The following SMAD4 variants were observed in gnomAD, a reference collection of about 807,000 sequenced individuals.
SMAD4 encodes SMAD family member 4.
A neutral mutation model predicts 63.2 loss-of-function variants in SMAD4; 7 were observed. The observed-to-expected ratio is 0.11, with a 90% CI of 0.06 to 0.21. The LOEUF (loss-of-function observed/expected upper bound fraction) is 0.21, where lower values mean the gene tolerates loss of function less well. Among genes scored for constraint, SMAD4 ranks in the 10% least tolerant of loss-of-function variants. The probability of loss-of-function intolerance (pLI) is 1.00; values close to 1 mark genes in which losing one functional copy is unlikely to be tolerated. For synonymous variants in SMAD4, 215 were observed against 235.4 expected (o/e 0.91, Z 0.79); for missense variants, 312 against 693.8 (o/e 0.45, Z 6.18).
In SMAD4 at chr18:51,058,229, G is replaced by A. The variant is rs2144427660; in HGVS notation, c.772G>A (p.Ala258Thr). 2 of 1,614,198 alleles carry A rather than the reference G, an allele frequency of 1.2e-6. No individual in the cohort carries two copies. Among genetic ancestry groups the A allele is most frequent in the South Asian group, 1.1e-5 (1 of 91,078 alleles). ...GCAGAATGGATTTACTGGTCAGCCA[G>A]CTACTTACCATCATAGTATGTACAT... ...QQQNGFTGQPATYHHNSTTTW... is the reference protein window; with the variant it reads ...QQQNGFTGQPTTYHHNSTTTW... The change falls in exon 6 of 12, where the codon GCT becomes ACT. Residue 258 changes from alanine (A) to threonine (T), a missense_variant. Physicochemically the swap from Ala to Thr is moderately conservative, Grantham distance 58 (BLOSUM62 0). Transcript: ENST00000342988.
At chr18:51,062,657 C>A (rs1910044144) in intron 8 of SMAD4, among the ~76,000 whole-genome samples, 1 of 151,692 alleles carries the variant, frequency 6.6e-6, no homozygotes, top group Non-Finnish European at 1.5e-5. Flanking sequence ...CGCCACCATG[C>A]CTGGCTAATT....
At chr18:51,061,673 TTTCA>T (rs1241653176) in intron 8 of SMAD4, among the ~76,000 whole-genome samples, 1 of 152,228 alleles carries the variant, frequency 6.6e-6, no homozygotes, top group Admixed American at 6.5e-5. Flanking sequence ...ACCAATCTTG[TTTCA>T]TTCATACTCA....
chr18:51,040,618 C>G (rs1401748800), intron 1 of SMAD4, among the ~76,000 whole-genome samples: 1 of 152,146 alleles, frequency 6.6e-6, no homozygotes, highest in Non-Finnish European at 1.5e-5. Flanking sequence ...ACATGAGAAC[C>G]TCTCTCTGGC....
chr18:51,073,388 T>TACACAC (rs201632233), intron 10 of SMAD4, among the ~76,000 whole-genome samples: 45 of 64,144 alleles, frequency 7.0e-4, no homozygotes, highest in African/African-American at 2.4e-3. Context: ...TATATATATA[T>TACACAC]ACACACACAC....
intron 4 of SMAD4, 72 bp from the exon 5 acceptor site, chr18:51,054,709 T>A: frequency 1.0e-6 from 1 of 1,002,438 alleles, no homozygotes; most frequent in East Asian, 2.6e-5. Flanking sequence ...ATTATATTAC[T>A]TGCTAATAAG....
intron 1 of SMAD4, among the ~76,000 whole-genome samples, chr18:51,033,818 C>T (rs2041951724): frequency 1.3e-5 from 2 of 152,188 alleles, no homozygotes; most frequent in African/African-American, 4.8e-5. Context: ...GTGTAATTGG[C>T]ATCCGGGAAC....
At chr18:51,040,156 G>T (rs894153788) in intron 1 of SMAD4, among the ~76,000 whole-genome samples, 1 of 152,118 alleles carries the variant, frequency 6.6e-6, no homozygotes, top group Non-Finnish European at 1.5e-5. Context: ...CGCCGGGCAT[G>T]GTGGCTCATA....
At chr18:51,062,000 A>C (rs1403844127) in intron 8 of SMAD4, among the ~76,000 whole-genome samples, 33 of 152,344 alleles carry the variant, frequency 2.2e-4, no homozygotes, top group Middle Eastern at 3.4e-3. Context: ...AGGCCATATT[A>C]CAGTGACACC....
intron 10 of SMAD4, among the ~76,000 whole-genome samples, chr18:51,067,928 C>G (rs557440248): frequency 2.8e-4 from 43 of 152,230 alleles, no homozygotes; most frequent in African/African-American, 1.0e-3. Flanking sequence ...TATATTCAAC[C>G]TGTTTGAATT....
At chr18:51,070,893 T>G (rs1251151007) in intron 10 of SMAD4, among the ~76,000 whole-genome samples, 1 of 152,184 alleles carries the variant, frequency 6.6e-6, no homozygotes, top group African/African-American at 2.4e-5. Flanking sequence ...TGGGATATTG[T>G]TAACATTGTT....
intron 8 of SMAD4, among the ~76,000 whole-genome samples, chr18:51,061,943 T>C (rs897977367): frequency 1.3e-5 from 2 of 152,222 alleles, no homozygotes; most frequent in Non-Finnish European, 2.9e-5. Flanking sequence ...TGTTTATAAC[T>C]TTTCTCATAT....
rs556939943 is a variant in SMAD4 at position 51,042,547 on chromosome 18, A to AT, written c.-127-4367dup. Among the ~76,000 whole-genome samples, 420 of 151,262 alleles carry AT rather than the reference A, an allele frequency of 2.8e-3. 3 individuals carry two copies. The highest frequency in any genetic ancestry group is 3.6e-3 in the Non-Finnish European group (243 of 67,862). ...CCACCATGCCCCACTAATTTTTTGT[A>AT]TTTTTTGTAGAGAGGAGGTCTCACT... On this transcript the variant is annotated intron_variant, in intron 1 of 11. Coordinates refer to ENST00000342988, the MANE Select transcript of SMAD4 (RefSeq NM_005359.6).
At chr18:51,052,404 A>C (rs1297384916) in intron 4 of SMAD4, 1 of 153,292 alleles carries the variant, frequency 6.5e-6, no homozygotes, top group Non-Finnish European at 1.5e-5. Flanking sequence ...ATGGAAAAAT[A>C]TTACAAAAGA....
intron 1 of SMAD4, among the ~76,000 whole-genome samples, chr18:51,046,442 T>G (rs929212698): frequency 4.6e-5 from 7 of 151,550 alleles, no homozygotes; most frequent in African/African-American, 1.5e-4. Flanking sequence ...TTGGGGTTTT[T>G]TTTTTTTTTT....
intron 8 of SMAD4, among the ~76,000 whole-genome samples, chr18:51,062,846 T>G (rs916432335): frequency 1.4e-5 from 2 of 141,140 alleles, no homozygotes; most frequent in African/African-American, 5.2e-5. Flanking sequence ...AATCTGGCTT[T>G]ACTTGTTTTT....
Position 51,046,928 on chromosome 18 carries a change from G to A in SMAD4, c.-119G>A. On this transcript the variant is annotated 5_prime_UTR_variant, in exon 2 of 12. Transcript: ENST00000342988. ...TTTTTTTTCTTTTTTAGGTTATCCT[G>A]AATACATGTCTAACAATTTTCCTTG... The A allele has an allele frequency of 1.2e-6, 1 of 831,304 alleles. No individual in the cohort carries two copies. Among genetic ancestry groups the A allele is most frequent in the Non-Finnish European group, 2.0e-6 (1 of 510,150 alleles). 51.5% of individuals were successfully genotyped at this position (831,304 alleles called of 1,614,324 possible).
chr18:51,083,084 T>C lies in SMAD4; in HGVS notation c.*4617T>C, dbSNP rs1445788687. On this transcript the variant is annotated 3_prime_UTR_variant, in exon 12 of 12. Coordinates refer to ENST00000342988, the MANE Select transcript of SMAD4 (RefSeq NM_005359.6). ...GTGAGTCATATTCATATTTTCCCCC[T>C]TAGAATAATATTTTGAAAGGTTTCA... The C allele has an allele frequency of 4.4e-6, 1 of 224,850 alleles. No homozygotes were observed. The highest frequency in any genetic ancestry group is 5.7e-5 in the Admixed American group (1 of 17,516). The allele number at this position is 224,850 out of a possible 1,614,324, so 13.9% of individuals were successfully genotyped here.
Position 51,046,751 on chromosome 18 carries a change from G to A in SMAD4, c.-127-169G>A, listed in dbSNP as rs1298237837. On this transcript the variant is annotated intron_variant, in intron 1 of 11. Coordinates refer to ENST00000342988, the MANE Select transcript of SMAD4 (RefSeq NM_005359.6). ...TTTATTTTTAAAAATTATTTTTAAT[G>A]GCTAATATTTTGTAAGAATTTTAAG... is the stretch of plus-strand genomic sequence containing the variant. Among the ~76,000 whole-genome samples the A allele has an allele frequency of 2.6e-5, 4 of 151,984 alleles. No homozygotes were observed. In the East Asian group the frequency reaches 7.7e-4, roughly 29 times the overall value.
chr18:51,066,560 AATG>A (rs1188949578), intron 9 of SMAD4, among the ~76,000 whole-genome samples: 1 of 152,166 alleles, frequency 6.6e-6, no homozygotes, highest in Non-Finnish European at 1.5e-5. Flanking sequence ...TGATGAAGAA[AATG>A]ATTTATATTT....
Sources: allele counts gnomAD v4.1 joint callset (sites outside exome capture counted in the v4.1 genomes callset), GRCh38; gene constraint gnomAD v4.1.1; transcripts MANE v1.5; gene names NCBI Gene and HGNC (gene_info 2026-07-23, HGNC 2026-07-21).